The following KCNIP4 variants were observed in gnomAD, a reference collection of about 807,000 sequenced individuals.
KCNIP4 encodes potassium voltage-gated channel interacting protein 4.
KCNIP4 carries 12 observed loss-of-function variants against 34.0 expected under a neutral mutation model. The observed-to-expected ratio is 0.35, with a 90% CI of 0.23 to 0.57. The LOEUF (loss-of-function observed/expected upper bound fraction) is 0.57. Ranked by LOEUF, KCNIP4 falls within the 20% of genes least tolerant of loss-of-function variation. The pLI is 0.83. For synonymous variants in KCNIP4, 124 were observed against 102.2 expected (o/e 1.21, Z -1.29); for missense variants, 238 against 311.7 (o/e 0.76, Z 1.78).
chr4:21,342,342 T>C (rs1716839541), intron 1 of KCNIP4, among the ~76,000 whole-genome samples: 1 of 152,162 alleles, frequency 6.6e-6, no homozygotes, highest in African/African-American at 2.4e-5. Flanking sequence ...CTTGCATACA[T>C]ATATAATATA....
intron 1 of KCNIP4, among the ~76,000 whole-genome samples, chr4:21,322,455 C>T (rs1170417409): frequency 6.6e-6 from 1 of 152,126 alleles, no homozygotes; most frequent in African/African-American, 2.4e-5. Flanking sequence ...TAGCCTATAA[C>T]ACATAACAGT....
intron 1 of KCNIP4, among the ~76,000 whole-genome samples, chr4:21,634,448 A>G (rs1356812615): frequency 3.3e-5 from 5 of 152,192 alleles, no homozygotes; most frequent in African/African-American, 1.2e-4. Context: ...AAAACATTAG[A>G]ACTGGGAGGA....
intron 1 of KCNIP4, among the ~76,000 whole-genome samples, chr4:20,936,619 C>T (rs978361346): frequency 2.0e-5 from 3 of 152,116 alleles, no homozygotes; most frequent in African/African-American, 7.2e-5. Context: ...TGTCCATACT[C>T]AGACTGTACA....
At chr4:21,497,709 T>C (rs1732965850) in intron 1 of KCNIP4, among the ~76,000 whole-genome samples, 1 of 152,168 alleles carries the variant, frequency 6.6e-6, no homozygotes, top group South Asian at 2.1e-4. Context: ...TGCCATATCC[T>C]TCTAAAATTT....
chr4:20,979,397 T>C lies in KCNIP4; in HGVS notation c.62-96688A>G, dbSNP rs528884887. ...ACTAGTATCTCTGCTTCCACTTTCT[T>C]TCTTTTTTTTTTTTTTTTTGAGATG... On this transcript the variant is annotated intron_variant, in intron 1 of 8. Coordinates refer to ENST00000382152, the MANE Select transcript of KCNIP4 (RefSeq NM_025221.6). Among the ~76,000 whole-genome samples the C allele has an allele frequency of 1.4e-3, 201 of 145,956 alleles. 1 individual carries two copies. Among genetic ancestry groups the C allele is most frequent in the African/African-American group, 5.0e-3 (191 of 37,882 alleles).
intron 1 of KCNIP4, among the ~76,000 whole-genome samples, chr4:21,926,366 T>C (rs73117916): frequency 0.011 from 1,732 of 152,256 alleles, 28 homozygotes; most frequent in African/African-American, 0.04. Context: ...TTAAACTCCA[T>C]TACTTAGAAG....
intron 1 of KCNIP4, among the ~76,000 whole-genome samples, chr4:21,004,759 G>C (rs1290538801): frequency 2.0e-5 from 3 of 152,126 alleles, no homozygotes. Context: ...TTTGCAATAT[G>C]GGTGTCACTG....
intron 1 of KCNIP4, among the ~76,000 whole-genome samples, chr4:21,604,363 T>C (rs1164572182): frequency 6.6e-6 from 1 of 152,138 alleles, no homozygotes; most frequent in Non-Finnish European, 1.5e-5. Flanking sequence ...GAACAAGGGG[T>C]AAAGGAATTT....
At chr4:20,926,383 T>C (rs937351524) in intron 1 of KCNIP4, among the ~76,000 whole-genome samples, 14 of 152,244 alleles carry the variant, frequency 9.2e-5, no homozygotes, top group African/African-American at 3.4e-4. Flanking sequence ...AGGTGAAAGA[T>C]TGGACAATAG....
At chr4:21,082,893 A>ATCTT (rs940782684) in intron 1 of KCNIP4, among the ~76,000 whole-genome samples, 2 of 151,572 alleles carry the variant, frequency 1.3e-5, no homozygotes, top group African/African-American at 2.4e-5. Flanking sequence ...CTATCTATCT[A>ATCTT]TCTATCTATC....
intron 1 of KCNIP4, among the ~76,000 whole-genome samples, chr4:21,054,156 A>G (rs1463798247): frequency 6.6e-6 from 1 of 152,198 alleles, no homozygotes; most frequent in African/African-American, 2.4e-5. Flanking sequence ...AGCCAACACA[A>G]TATTGAAGGA....
intron 1 of KCNIP4, among the ~76,000 whole-genome samples, chr4:21,602,159 T>C (rs1743229099): frequency 6.6e-6 from 1 of 151,992 alleles, no homozygotes; most frequent in African/African-American, 2.4e-5. Context: ...TAGAATATTC[T>C]TCAACACTTA....
At chr4:21,349,250 G>A (rs190222646) in intron 1 of KCNIP4, among the ~76,000 whole-genome samples, 1 of 152,236 alleles carries the variant, frequency 6.6e-6, no homozygotes, top group East Asian at 1.9e-4. Flanking sequence ...CATATTGTAA[G>A]TGCTCAGTCA....
chr4:21,855,664 T>C (rs1724704332), intron 1 of KCNIP4: 2 of 152,200 alleles, frequency 1.3e-5, no homozygotes, highest in Admixed American at 6.5e-5. Flanking sequence ...GGCTTCTGGG[T>C]CCTACCTGTT....
chr4:21,228,087 A>C (rs749074966), intron 1 of KCNIP4, among the ~76,000 whole-genome samples: 6 of 152,176 alleles, frequency 3.9e-5, no homozygotes, highest in Non-Finnish European at 7.3e-5. Context: ...GTTGTGAATG[A>C]GTAGGCGACA....
At chr4:21,319,933 T>C (rs1714194164) in intron 1 of KCNIP4, among the ~76,000 whole-genome samples, 1 of 152,162 alleles carries the variant, frequency 6.6e-6, no homozygotes, top group Non-Finnish European at 1.5e-5. Flanking sequence ...GTTTTGCAAA[T>C]AGAAAAGGCA....
At chr4:21,137,064 A>G (rs1751553090) in intron 1 of KCNIP4, among the ~76,000 whole-genome samples, 1 of 152,056 alleles carries the variant, frequency 6.6e-6, no homozygotes, top group Non-Finnish European at 1.5e-5. Flanking sequence ...ACATCAGGCT[A>G]ATATTTCCCT....
intron 1 of KCNIP4, among the ~76,000 whole-genome samples, chr4:20,970,927 T>C (rs1734881923): frequency 1.3e-5 from 2 of 152,112 alleles, no homozygotes; most frequent in Non-Finnish European, 2.9e-5. Flanking sequence ...GAGAAAGACA[T>C]AGACATCAAG....
chr4:20,862,254 G>C (rs1020340102), intron 2 of KCNIP4, among the ~76,000 whole-genome samples: 2 of 151,996 alleles, frequency 1.3e-5, no homozygotes, highest in African/African-American at 4.8e-5. Context: ...CTCCCAAAGT[G>C]CTGGGATAAC....
Sources: allele counts gnomAD v4.1 joint callset (sites outside exome capture counted in the v4.1 genomes callset), GRCh38; gene constraint gnomAD v4.1.1; transcripts MANE v1.5; gene names NCBI Gene and HGNC (gene_info 2026-07-23, HGNC 2026-07-21).